ABCC1: variants seen among roughly 807,000 people sequenced by gnomAD.
ABCC1 encodes multidrug resistance-associated protein 1.
In ABCC1, 83 loss-of-function variants were observed where a neutral mutation model predicts 172.9. That is an observed-to-expected ratio of 0.48 (90% CI 0.40 to 0.58). ABCC1 has a LOEUF of 0.58. Among genes scored for constraint, ABCC1 ranks in the 20% least tolerant of loss-of-function variants. The pLI is 0.00. For synonymous variants in ABCC1, 937 were observed against 825.2 expected, an observed-to-expected ratio of 1.14 and a Z score of -2.32; for missense variants, 1,817 against 2,002.7, an observed-to-expected ratio of 0.91 and a Z score of 1.77.
intron 10 of ABCC1, among the ~76,000 whole-genome samples, chr16:16,048,812 C>T (rs936616202): frequency 2.0e-5 from 3 of 152,120 alleles, no homozygotes; most frequent in South Asian, 4.1e-4. Flanking sequence ...GGAGAAACCC[C>T]GTCTCTACTA....
intron 19 of ABCC1, among the ~76,000 whole-genome samples, chr16:16,091,069 C>G (rs777211881): frequency 6.6e-6 from 1 of 152,042 alleles, no homozygotes; most frequent in Non-Finnish European, 1.5e-5. Flanking sequence ...CTCATCTCCC[C>G]AGCTATGTGA....
intron 1 of ABCC1, among the ~76,000 whole-genome samples, chr16:15,956,565 G>A (rs905861663): frequency 6.6e-6 from 1 of 151,990 alleles, no homozygotes; most frequent in African/African-American, 2.4e-5. Context: ...TCAAACTCCT[G>A]GCCTCAAGCT....
chr16:16,083,754 CG>C lies in ABCC1; in HGVS notation c.2292+216del, dbSNP rs369980710. ...CACTTACAGAGCTTTTGCTGGGGAC[CG>C]GGGTGAGGGGTCCACAGCTTTCCAA... On this transcript the variant is annotated intron_variant, in intron 17 of 30. Transcript: ENST00000399410. Among the ~76,000 whole-genome samples, 458 of 152,144 alleles carry C rather than the reference CG, an allele frequency of 3.0e-3. 1 individual carries two copies. Among genetic ancestry groups the C allele is most frequent in the African/African-American group, 0.01 (418 of 41,496 alleles).
chr16:16,094,328 A>G (rs2051377699), intron 19 of ABCC1: 1 of 261,206 alleles, frequency 3.8e-6, no homozygotes. Context: ...GCAGAAATTC[A>G]GTGCTCTTTT....
intron 7 of ABCC1, among the ~76,000 whole-genome samples, chr16:16,038,962 A>G (rs1267290458): frequency 6.6e-6 from 1 of 152,080 alleles, no homozygotes; most frequent in South Asian, 2.1e-4. Flanking sequence ...AAGCTCCTCC[A>G]CTGGCCTGGC....
chr16:16,064,700 C>T (rs1694431762), intron 12 of ABCC1, among the ~76,000 whole-genome samples: 1 of 152,202 alleles, frequency 6.6e-6, no homozygotes, highest in Non-Finnish European at 1.5e-5. Context: ...CTACCCCGTC[C>T]CCACCCATTT....
intron 5 of ABCC1, among the ~76,000 whole-genome samples, chr16:16,030,649 C>G (rs1452101150): frequency 6.6e-6 from 1 of 151,772 alleles, no homozygotes; most frequent in Non-Finnish European, 1.5e-5. Context: ...GCTCTTGAGC[C>G]TTTTAACAAT....
chr16:16,106,119 C>T (rs1034232937), intron 20 of ABCC1, among the ~76,000 whole-genome samples: 6 of 151,928 alleles, frequency 3.9e-5, no homozygotes, highest in African/African-American at 1.5e-4. Flanking sequence ...TCAAGTGATC[C>T]GCCCACCTCG....
chr16:16,029,693 T>C (rs538118453), intron 5 of ABCC1, among the ~76,000 whole-genome samples: 7 of 152,334 alleles, frequency 4.6e-5, no homozygotes, highest in African/African-American at 1.4e-4. Context: ...TCTCTAATGA[T>C]AACATCTGAA....
intron 1 of ABCC1, among the ~76,000 whole-genome samples, chr16:16,001,322 C>T (rs1381809114): frequency 6.6e-6 from 1 of 152,188 alleles, no homozygotes; most frequent in African/African-American, 2.4e-5. Context: ...CGCCATTCTC[C>T]TGCCTCAGCC....
intron 5 of ABCC1, 125 bp downstream of exon 5, chr16:16,016,746 G>GGGGTTGA: frequency 7.3e-7 from 1 of 1,373,664 alleles, no homozygotes; most frequent in Non-Finnish European, 9.9e-7. Flanking sequence ...CCCTGATACA[G>GGGGTTGA]GGAATATCAT....
chr16:15,959,453 G>A (rs2046078633), intron 1 of ABCC1, among the ~76,000 whole-genome samples: 1 of 152,076 alleles, frequency 6.6e-6, no homozygotes, highest in Non-Finnish European at 1.5e-5. Flanking sequence ...AGCCTCCCAG[G>A]TAGCTGGGAC....
intron 1 of ABCC1, among the ~76,000 whole-genome samples, chr16:15,978,112 G>A (rs961146566): frequency 8.5e-5 from 13 of 152,170 alleles, no homozygotes; most frequent in African/African-American, 2.7e-4. Context: ...GCTCATGCCT[G>A]TAATCCCAGC....
chr16:15,983,565 T>TTTG (rs1263725780), intron 1 of ABCC1, among the ~76,000 whole-genome samples: 2 of 150,390 alleles, frequency 1.3e-5, no homozygotes, highest in Non-Finnish European at 3.0e-5. Flanking sequence ...TTTTTTTTTT[T>TTTG]TTTTGGTTTT....
intron 14 of ABCC1, among the ~76,000 whole-genome samples, chr16:16,073,180 C>A (rs2151964178): frequency 6.6e-6 from 1 of 152,186 alleles, no homozygotes; most frequent in Non-Finnish European, 1.5e-5. Context: ...CCATGGTACC[C>A]CTGGAGGAGG....
At chr16:15,961,612 C>G (rs572666142) in intron 1 of ABCC1, among the ~76,000 whole-genome samples, 1 of 152,044 alleles carries the variant, frequency 6.6e-6, no homozygotes, top group Admixed American at 6.6e-5. Context: ...TGTGCAAGAA[C>G]GTGTTCGTTT....
chr16:16,134,617 T>A, intron 28 of ABCC1, 109 bp downstream of exon 28: 5 of 907,832 alleles, frequency 5.5e-6, no homozygotes, highest in Non-Finnish European at 7.9e-6. Context: ...TGGCCCTACT[T>A]CATCGTTCTT....
Position 16,106,884 on chromosome 16 carries a change from C to G in ABCC1, c.2871+11C>G, listed in dbSNP as rs45552834. ...GCGCAGACAGGGCAGGTGAGATTCGCTCCTTAAGTGATGACAGTGGCTGGA... is the reference window on the plus strand; with the variant it reads ...GCGCAGACAGGGCAGGTGAGATTCGGTCCTTAAGTGATGACAGTGGCTGGA... On this transcript the variant is annotated intron_variant, in intron 21 of 30. Coordinates refer to ENST00000399410, the MANE Select transcript of ABCC1 (RefSeq NM_004996.4). 123 of 1,613,966 alleles carry G rather than the reference C, an allele frequency of 7.6e-5. No homozygotes were observed. The East Asian group carries it at 1.4e-3, about 18-fold the overall frequency.
chr16:16,110,230 T>C (rs2052329226), intron 21 of ABCC1, among the ~76,000 whole-genome samples: 1 of 151,994 alleles, frequency 6.6e-6, no homozygotes, highest in Non-Finnish European at 1.5e-5. Flanking sequence ...CCTACAGGCA[T>C]GTGCCCCCAC....
Sources: allele counts gnomAD v4.1 joint callset (sites outside exome capture counted in the v4.1 genomes callset), GRCh38; gene constraint gnomAD v4.1.1; transcripts MANE v1.5; gene names NCBI Gene and HGNC (gene_info 2026-07-23, HGNC 2026-07-21).